OTUD3: variants seen among roughly 807,000 people sequenced by gnomAD.
The protein encoded by OTUD3 is OTU domain-containing protein 3.
A neutral mutation model predicts 46.2 loss-of-function variants in OTUD3; 24 were observed. The ratio of observed to expected loss-of-function variants is 0.52; its 90% CI spans 0.38 to 0.73. The LOEUF (loss-of-function observed/expected upper bound fraction) is 0.73, where lower values mean the gene tolerates loss of function less well. Ranked by LOEUF, OTUD3 falls within the 30% of genes least tolerant of loss-of-function variation. The pLI is 0.00. For missense variants in OTUD3, 455 were observed against 523.3 expected, an observed-to-expected ratio of 0.87 and a Z score of 1.27; for synonymous variants, 189 against 195.4, an observed-to-expected ratio of 0.97 and a Z score of 0.27.
chr1:19,882,838 C>T (rs923287613), intron 1 of OTUD3, 104 bp downstream of exon 1: 9 of 1,058,962 alleles, frequency 8.5e-6, no homozygotes, highest in Non-Finnish European at 1.1e-5. Context: ...TTCGGGCGGC[C>T]CGGGCGCCTC....
rs2045734564 is a variant in OTUD3, at chr1:19,911,618, G to C, written c.*3872G>C. The C allele has an allele frequency of 6.6e-6, 1 of 152,162 alleles. No individual in the cohort carries two copies. The highest frequency in any genetic ancestry group is 1.5e-5 in the Non-Finnish European group (1 of 68,036). The allele number at this position is 152,162 out of a possible 1,614,324, so 9.4% of individuals were successfully genotyped here. On this transcript the variant is annotated 3_prime_UTR_variant, in exon 8 of 8. Transcript: ENST00000375120. ...TTAGCCAGGCTGGTCTCAAACTCCT[G>C]ACCTTGTGATCTGCCCGCCTCAGCC...
At chr1:19,906,021 C>T (rs919885503) in intron 6 of OTUD3, among the ~76,000 whole-genome samples, 10 of 152,136 alleles carry the variant, frequency 6.6e-5, no homozygotes, top group South Asian at 2.1e-4. Flanking sequence ...TGGAGAGCTA[C>T]GTTTTAAATG....
chr1:19,901,922 A>G (rs977208943), intron 4 of OTUD3, among the ~76,000 whole-genome samples: 3 of 152,122 alleles, frequency 2.0e-5, no homozygotes, highest in Non-Finnish European at 2.9e-5. Context: ...TCTGTTAATG[A>G]GCATTTAGGT....
rs1261803425 is a variant in OTUD3, at chr1:19,904,995, C to T, written c.835+8C>T. On this transcript the variant is annotated splice_region_variant and intron_variant, in intron 6 of 7. Coordinates refer to ENST00000375120, the MANE Select transcript of OTUD3 (RefSeq NM_015207.2). ...ACCAAGGGAAGAGAAATAGTAAGTC[C>T]ATGACTAATATTTATAGATCTTCAA... 7.6e-7 allele frequency: 1 copy of T among 1,324,002 alleles called. No homozygotes were observed. Among genetic ancestry groups the T allele is most frequent in the Non-Finnish European group, 1.1e-6 (1 of 932,430 alleles). 82.0% of individuals were successfully genotyped at this position (1,324,002 alleles called of 1,614,324 possible). A position where few individuals can be genotyped will look rare whatever the true frequency, so the allele number is the denominator to read the frequency against.
intron 4 of OTUD3, among the ~76,000 whole-genome samples, chr1:19,903,907 C>T (rs1045170892): frequency 2.0e-5 from 3 of 152,130 alleles, no homozygotes; most frequent in Admixed American, 6.5e-5. Context: ...TCACCAGGTG[C>T]GAGTATAGAG....
chr1:19,904,957 G>A lies in OTUD3; in HGVS notation c.805G>A (p.Val269Met), dbSNP rs200790645. 48 of 1,590,050 alleles carry A rather than the reference G, an allele frequency of 3.0e-5. 1 individual carries two copies. The highest frequency in any genetic ancestry group is 4.4e-5 in the South Asian group (4 of 90,092). The change falls in exon 6 of 8, where the codon GTG becomes ATG. Residue 269 changes from valine (V) to methionine (M), a missense_variant. Physicochemically the swap from Val to Met is conservative, Grantham distance 21. Coordinates refer to ENST00000375120, the MANE Select transcript of OTUD3 (RefSeq NM_015207.2). ...TAATATTGAATCTGCAATAATTGCC[G>A]TGCTTCGGATGAACCAAGGGAAGAG... ...NYNIESAIIA[V>M]LRMNQGKRNN...
chr1:19,883,258 C>A (rs888099014), intron 1 of OTUD3, among the ~76,000 whole-genome samples: 5 of 152,326 alleles, frequency 3.3e-5, no homozygotes, highest in African/African-American at 1.2e-4. Context: ...TTCTCTAATT[C>A]TTCCTTCCAT....
intron 2 of OTUD3, among the ~76,000 whole-genome samples, 178 bp from the exon 3 acceptor site, chr1:19,894,190 T>C (rs746257445): frequency 6.6e-6 from 1 of 152,272 alleles, no homozygotes; most frequent in Non-Finnish European, 1.5e-5. Flanking sequence ...AGTGTTCTTC[T>C]GAGTAGCAGT....
intron 1 of OTUD3, among the ~76,000 whole-genome samples, chr1:19,884,369 C>T (rs1456603039): frequency 6.6e-6 from 1 of 152,166 alleles, no homozygotes; most frequent in East Asian, 1.9e-4. Context: ...GGTACTACTT[C>T]TGCTCCCTAT....
rs1288705222 is a variant in OTUD3, at chr1:19,904,321, G to A, written c.661G>A (p.Gly221Arg). 1.2e-6 allele frequency: 2 copies of A among 1,612,112 alleles called. No individual in the cohort carries two copies. The highest frequency in any genetic ancestry group is 1.7e-6 in the Non-Finnish European group (2 of 1,178,554). ...TAAAAGAGAAAAGATCAAGACAAAG[G>A]GAATGGACTCTGAAGACGACCTGAG... ...SNKREKIKTKGMDSEDDLRDE... is the reference protein window; with the variant it reads ...SNKREKIKTKRMDSEDDLRDE... Residue 221 changes from glycine to arginine, a missense_variant, in exon 5 of 8, where the codon GGA becomes AGA. Transcript: ENST00000375120.
intron 6 of OTUD3, 139 bp downstream of exon 6, chr1:19,905,126 G>A (rs1449398436): frequency 8.5e-6 from 5 of 589,248 alleles, no homozygotes; most frequent in South Asian, 4.2e-5. Flanking sequence ...CGTTCTGTAC[G>A]TAGACATTTT....
intron 1 of OTUD3, among the ~76,000 whole-genome samples, chr1:19,888,501 A>T (rs10916665): frequency 0.54 from 81,646 of 151,552 alleles, 22,492 homozygotes; most frequent in African/African-American, 0.63. Context: ...TTGGTAAGTA[A>T]TGAAAAGCAT....
intron 1 of OTUD3, among the ~76,000 whole-genome samples, chr1:19,884,886 C>T (rs905846978): frequency 6.6e-6 from 1 of 152,096 alleles, no homozygotes; most frequent in African/African-American, 2.4e-5. Context: ...GTAACAGTGA[C>T]TGATTATAAT....
Position 19,908,021 on chromosome 1 carries a change from A to G in OTUD3, c.*275A>G. 3.5e-6 allele frequency: 1 copy of G among 289,812 alleles called. No homozygotes were observed. The highest frequency in any genetic ancestry group is 6.4e-6 in the Non-Finnish European group (1 of 156,342). 18.0% of individuals were successfully genotyped at this position (289,812 alleles called of 1,614,324 possible). A position where few individuals can be genotyped will look rare whatever the true frequency, so the allele number is the denominator to read the frequency against. On this transcript the variant is annotated 3_prime_UTR_variant, in exon 8 of 8. Coordinates refer to ENST00000375120, the MANE Select transcript of OTUD3 (RefSeq NM_015207.2). ...TTTAGGGGCAGATAGTTAGGTCAGG[A>G]AAAACCTTTTAAGTGGTGGCTTTAT...
At chr1:19,892,067 G>A (rs2045454415) in intron 2 of OTUD3, among the ~76,000 whole-genome samples, 2 of 152,182 alleles carry the variant, frequency 1.3e-5, no homozygotes, top group South Asian at 4.1e-4. Flanking sequence ...TCACATGGTG[G>A]ATTTTGGGGT....
At chr1:19,883,417 G>C (rs893574132) in intron 1 of OTUD3, among the ~76,000 whole-genome samples, 6 of 152,118 alleles carry the variant, frequency 3.9e-5, no homozygotes, top group African/African-American at 1.4e-4. Flanking sequence ...TATGGCTCCA[G>C]GAACATGGAT....
intron 4 of OTUD3, among the ~76,000 whole-genome samples, chr1:19,901,520 C>T (rs1223781708): frequency 6.6e-6 from 1 of 152,100 alleles, no homozygotes; most frequent in East Asian, 1.9e-4. Flanking sequence ...AAAGTTAAGG[C>T]AAAATTCACA....
rs200685658 is a variant in OTUD3 at position 19,906,644 on chromosome 1, G to A, written c.1020+28G>A. On this transcript the variant is annotated intron_variant, in intron 7 of 7. Transcript: ENST00000375120. ...ATGTAAGATGGGGTTGAATGGGCAG[G>A]TGGTGGGCAGGTGTAATTCTGTGGC... 3.0e-4 allele frequency: 469 copies of A among 1,568,884 alleles called. 3 individuals are homozygous for A. The South Asian group carries it at 3.9e-3, about 13-fold the overall frequency.
intron 6 of OTUD3, among the ~76,000 whole-genome samples, chr1:19,905,535 G>A (rs1047258643): frequency 5.3e-5 from 8 of 152,058 alleles, no homozygotes; most frequent in Admixed American, 5.2e-4. Context: ...GAGGTCAGGA[G>A]TTTGAGACCA....
Sources: gnomAD v4.1 joint callset for allele counts (sites outside exome capture counted in the v4.1 genomes callset) on GRCh38, gnomAD v4.1.1 for gene constraint, MANE v1.5 for transcripts, NCBI Gene and HGNC (gene_info 2026-07-23, HGNC 2026-07-21) for gene names.